The following PRKG1 variants were observed in gnomAD, a reference collection of about 807,000 sequenced individuals.
PRKG1 encodes the protein cGMP-dependent protein kinase 1.
In PRKG1, 35 loss-of-function variants were observed where a neutral mutation model predicts 88.1. The observed-to-expected ratio is 0.40, with a 90% CI of 0.30 to 0.53. The LOEUF (loss-of-function observed/expected upper bound fraction) is 0.53. Among genes scored for constraint, PRKG1 ranks in the 20% least tolerant of loss-of-function variants. PRKG1 has a pLI of 0.59. For synonymous variants in PRKG1, 303 were observed against 292.5 expected, an observed-to-expected ratio of 1.04 and a Z score of -0.37; for missense variants, 540 against 839.8, an observed-to-expected ratio of 0.64 and a Z score of 4.41.
At chr10:52,121,372 G>T (rs1016310334) in intron 7 of PRKG1, among the ~76,000 whole-genome samples, 5 of 152,150 alleles carry the variant, frequency 3.3e-5, no homozygotes, top group Non-Finnish European at 5.9e-5. Context: ...TTGACCACAC[G>T]GTTAGTATTC....
chr10:51,720,399 C>T (rs1363026190), intron 3 of PRKG1, among the ~76,000 whole-genome samples: 1 of 152,224 alleles, frequency 6.6e-6, no homozygotes, highest in Non-Finnish European at 1.5e-5. Context: ...ATCTTACTAT[C>T]TTGCTAGTTA....
chr10:51,103,925 A>T (rs1204371505), intron 1 of PRKG1, among the ~76,000 whole-genome samples: 1 of 152,250 alleles, frequency 6.6e-6, no homozygotes, highest in Non-Finnish European at 1.5e-5. Flanking sequence ...TCAGAAAAGG[A>T]CAATTACTCA....
At chr10:51,826,273 A>G (rs1272332172) in intron 4 of PRKG1, among the ~76,000 whole-genome samples, 1 of 152,120 alleles carries the variant, frequency 6.6e-6, no homozygotes, top group African/African-American at 2.4e-5. Flanking sequence ...AACTCCAACA[A>G]AAGAAGCTAA....
Position 51,550,032 on chromosome 10 carries a change from A to G in PRKG1, c.592+82196A>G, listed in dbSNP as rs953261679. On this transcript the variant is annotated intron_variant, in intron 3 of 17. Transcript: ENST00000373980. ...ATCAAGACAGTGTTTACTGATCATA[A>G]TAGAATTGTGTCACCTTTAATAATA... Among the ~76,000 whole-genome samples, 26 of 152,146 alleles carry G rather than the reference A, an allele frequency of 1.7e-4. 1 individual carries two copies. The highest frequency in any genetic ancestry group is 6.0e-4 in the African/African-American group (25 of 41,460).
chr10:51,716,961 G>A lies in PRKG1; in HGVS notation c.593-87624G>A, dbSNP rs572412165. On this transcript the variant is annotated intron_variant, in intron 3 of 17. Transcript: ENST00000373980. The stretch of plus-strand genomic sequence containing the variant: ...GATCCACCTGCCTTGACCTCCCAAA[G>A]TGCTGGGTTTACAGGCGTGAGCCAC... 5.3e-5 allele frequency among the ~76,000 whole-genome samples: 8 copies of A among 152,304 alleles called. No homozygotes were observed. In the South Asian group the frequency reaches 1.0e-3, roughly 20 times the overall value.
At chr10:52,135,544 C>T (rs151270475) in intron 8 of PRKG1, among the ~76,000 whole-genome samples, 1 of 152,040 alleles carries the variant, frequency 6.6e-6, no homozygotes, top group Non-Finnish European at 1.5e-5. Context: ...ATTATGAGAC[C>T]ATGGGTAGGA....
At chr10:51,557,875 C>T (rs1214808909) in intron 3 of PRKG1, among the ~76,000 whole-genome samples, 1 of 151,876 alleles carries the variant, frequency 6.6e-6, no homozygotes, top group Non-Finnish European at 1.5e-5. Flanking sequence ...TGCTTTGGCA[C>T]CAAGATATTT....
intron 3 of PRKG1, among the ~76,000 whole-genome samples, chr10:51,760,470 T>C (rs191107999): frequency 2.2e-3 from 262 of 118,524 alleles, no homozygotes; most frequent in Non-Finnish European, 4.0e-3. Context: ...GCTTGACTTT[T>C]CGTTTTTTTT....
intron 9 of PRKG1, among the ~76,000 whole-genome samples, chr10:52,197,668 C>T (rs1212336682): frequency 3.9e-5 from 6 of 152,192 alleles, no homozygotes; most frequent in Non-Finnish European, 8.8e-5. Context: ...CAGTATACTT[C>T]ACTTACACAA....
At chr10:51,304,894 G>A (rs572600931) in intron 2 of PRKG1, among the ~76,000 whole-genome samples, 3 of 152,184 alleles carry the variant, frequency 2.0e-5, no homozygotes, top group African/African-American at 7.2e-5. Flanking sequence ...GGGACCAGAA[G>A]TTTGTCACTT....
At chr10:51,460,023 G>A (rs565343116) in intron 2 of PRKG1, among the ~76,000 whole-genome samples, 10 of 152,106 alleles carry the variant, frequency 6.6e-5, no homozygotes, top group South Asian at 6.2e-4. Flanking sequence ...TTTACATCAG[G>A]ACTTCTCAAC....
intron 5 of PRKG1, among the ~76,000 whole-genome samples, chr10:51,983,062 T>A (rs1844054393): frequency 6.6e-6 from 1 of 152,072 alleles, no homozygotes; most frequent in Admixed American, 6.6e-5. Context: ...CCTCTTTGTG[T>A]GCTGCGGGCA....
chr10:52,074,468 T>G (rs1846582657), intron 7 of PRKG1, among the ~76,000 whole-genome samples: 1 of 152,204 alleles, frequency 6.6e-6, no homozygotes, highest in East Asian at 1.9e-4. Context: ...TCATTGTTAC[T>G]CTACAACATG....
intron 3 of PRKG1, among the ~76,000 whole-genome samples, chr10:51,771,599 T>A (rs1838306429): frequency 6.6e-6 from 1 of 152,190 alleles, no homozygotes; most frequent in South Asian, 2.1e-4. Context: ...ATGATTAAAA[T>A]GTCTGAGTAC....
At chr10:51,737,740 A>AATT (rs200144590) in intron 3 of PRKG1, among the ~76,000 whole-genome samples, 3,286 of 132,906 alleles carry the variant, frequency 0.025, 57 homozygotes, top group East Asian at 0.06. Context: ...TTTATTTATT[A>AATT]ATTATTATTA....
At chr10:51,792,253 C>A (rs956167300) in intron 3 of PRKG1, among the ~76,000 whole-genome samples, 1 of 152,080 alleles carries the variant, frequency 6.6e-6, no homozygotes, top group Non-Finnish European at 1.5e-5. Context: ...CTTGACTCCT[C>A]CTTTCACTCT....
At chr10:51,539,834 A>G (rs1001131615) in intron 3 of PRKG1, among the ~76,000 whole-genome samples, 2 of 152,190 alleles carry the variant, frequency 1.3e-5, no homozygotes, top group Non-Finnish European at 2.9e-5. Context: ...TGAAATCTTA[A>G]TAGTTTCATT....
chr10:51,859,846 TGTG>T (rs1348132790), intron 4 of PRKG1, among the ~76,000 whole-genome samples: 1 of 152,222 alleles, frequency 6.6e-6, no homozygotes, highest in African/African-American at 2.4e-5. Context: ...CATTGTGAGG[TGTG>T]GTAATTTTCA....
At chr10:51,296,708 T>C (rs189412199) in intron 2 of PRKG1, among the ~76,000 whole-genome samples, 231 of 152,214 alleles carry the variant, frequency 1.5e-3, no homozygotes, top group Non-Finnish European at 2.6e-3. Context: ...TTCCTTCTGA[T>C]AATTTTAGGT....
Sources: gnomAD v4.1 joint callset for allele counts (sites outside exome capture counted in the v4.1 genomes callset) on GRCh38, gnomAD v4.1.1 for gene constraint, MANE v1.5 for transcripts, NCBI Gene and HGNC (gene_info 2026-07-23, HGNC 2026-07-21) for gene names.